Variants in CDH4 observed in about 807,000 individuals in gnomAD.
The protein encoded by CDH4 is cadherin 4.
CDH4 carries 33 observed loss-of-function variants against 86.0 expected under a neutral mutation model. That is an observed-to-expected ratio of 0.38 (90% CI 0.29 to 0.51). CDH4 has a LOEUF of 0.51. Among genes scored for constraint, CDH4 ranks in the 20% least tolerant of loss-of-function variants. CDH4 has a pLI of 0.86. For missense variants in CDH4, 1,114 were observed against 1,307.4 expected, an observed-to-expected ratio of 0.85 and a Z score of 2.28; for synonymous variants, 555 against 549.4, an observed-to-expected ratio of 1.01 and a Z score of -0.14.
chr20:61,709,492 T>C lies in CDH4; in HGVS notation c.170-34071T>C, dbSNP rs529484386. Among the ~76,000 whole-genome samples, 30 of 152,208 alleles carry C rather than the reference T, an allele frequency of 2.0e-4. No individual in the cohort carries two copies. The highest frequency in any genetic ancestry group is 6.7e-4 in the African/African-American group (28 of 41,528). On this transcript the variant is annotated intron_variant, in intron 2 of 15. Coordinates refer to ENST00000614565, the MANE Select transcript of CDH4 (RefSeq NM_001794.5). The surrounding 1 kb of genome is among the most constrained non-coding windows in gnomAD (Gnocchi z 4.8). The stretch of plus-strand genomic sequence containing the variant: ...GGTTTCACCATGTTGGCCAGGCTGG[T>C]CTCGAACCCCTGGCCTCAAGTCATC...
intron 2 of CDH4, among the ~76,000 whole-genome samples, chr20:61,727,575 G>A (rs1027108226): frequency 7.2e-5 from 11 of 152,322 alleles, no homozygotes; most frequent in African/African-American, 2.6e-4. Flanking sequence ...TCACGGTTCT[G>A]CAGGCTACAC....
intron 4 of CDH4, among the ~76,000 whole-genome samples, chr20:61,816,847 C>A (rs941887819): frequency 6.6e-6 from 1 of 152,194 alleles, no homozygotes; most frequent in Non-Finnish European, 1.5e-5. Flanking sequence ...TCGCCCGCAT[C>A]CCCATCCCCC....
chr20:61,919,767 C>T (rs908785180), intron 9 of CDH4, among the ~76,000 whole-genome samples: 2 of 151,332 alleles, frequency 1.3e-5, no homozygotes, highest in Admixed American at 6.6e-5. Context: ...TGCGTGGAAG[C>T]GTGGTGTCGC....
intron 2 of CDH4, among the ~76,000 whole-genome samples, chr20:61,731,922 C>T (rs2088194711): frequency 6.6e-6 from 1 of 152,118 alleles, no homozygotes; most frequent in Non-Finnish European, 1.5e-5. Flanking sequence ...CCCAGGTTGC[C>T]CCACCTGCAC....
chr20:61,831,916 G>A (rs1487535307), intron 4 of CDH4, among the ~76,000 whole-genome samples: 5 of 152,370 alleles, frequency 3.3e-5, no homozygotes, highest in Middle Eastern at 3.4e-3. Flanking sequence ...ACAGGCACCC[G>A]ACAGGTAGGA....
At chr20:61,574,954 C>T (rs1036997808) in intron 2 of CDH4, among the ~76,000 whole-genome samples, 2 of 152,210 alleles carry the variant, frequency 1.3e-5, no homozygotes, top group African/African-American at 4.8e-5. Flanking sequence ...GCAGTTTGCA[C>T]ACCTGATGAT....
rs1358180347 is a variant in CDH4 at position 61,393,260 on chromosome 20, C to T, written c.169+138323C>T. On this transcript the variant is annotated intron_variant, in intron 2 of 15. Coordinates refer to ENST00000614565, the MANE Select transcript of CDH4 (RefSeq NM_001794.5). The surrounding 1 kb of genome is among the most constrained non-coding windows in gnomAD (Gnocchi z 4.3). ...ACCCAGTGTTCCCTCCAACAAGAGG[C>T]CATCTCACGGGCGAGCCCACACACC... Among the ~76,000 whole-genome samples, 1 of 152,124 alleles carries T rather than the reference C, an allele frequency of 6.6e-6. No homozygotes were observed. The highest frequency in any genetic ancestry group is 1.5e-5 in the Non-Finnish European group (1 of 68,022).
At chr20:61,821,773 A>G (rs1981056882) in intron 4 of CDH4, among the ~76,000 whole-genome samples, 1 of 152,242 alleles carries the variant, frequency 6.6e-6, no homozygotes, top group Admixed American at 6.5e-5. Flanking sequence ...ATTGTAATCC[A>G]GCTCAATTTT....
intron 2 of CDH4, among the ~76,000 whole-genome samples, chr20:61,525,940 C>T (rs889462208): frequency 6.6e-6 from 1 of 152,144 alleles, no homozygotes; most frequent in Non-Finnish European, 1.5e-5. Flanking sequence ...GACAGCTCAG[C>T]GTTGGTGGTC....
intron 2 of CDH4, among the ~76,000 whole-genome samples, chr20:61,289,228 T>C (rs1036838559): frequency 1.3e-5 from 2 of 152,186 alleles, no homozygotes; most frequent in Non-Finnish European, 2.9e-5. Context: ...CTGAGCGGCG[T>C]GCTCCCAGCT....
At chr20:61,759,547 C>T (rs569854447) in intron 3 of CDH4, among the ~76,000 whole-genome samples, 9 of 152,314 alleles carry the variant, frequency 5.9e-5, no homozygotes, top group South Asian at 2.1e-4. Flanking sequence ...CTGATGGCAC[C>T]GACCATCTTT....
At chr20:61,704,115 G>A (rs1474034223) in intron 2 of CDH4, among the ~76,000 whole-genome samples, 3 of 151,988 alleles carry the variant, frequency 2.0e-5, no homozygotes, top group African/African-American at 4.8e-5. Flanking sequence ...TGGCTGAAAC[G>A]CATTTCCATG....
chr20:61,848,969 G>T (rs1337431827), intron 5 of CDH4, among the ~76,000 whole-genome samples: 2 of 152,148 alleles, frequency 1.3e-5, no homozygotes, highest in Admixed American at 6.5e-5. Flanking sequence ...AGCTCGTGGA[G>T]ATCATTAGTT....
intron 2 of CDH4, among the ~76,000 whole-genome samples, chr20:61,687,928 G>A (rs1044768383): frequency 6.6e-6 from 1 of 152,174 alleles, no homozygotes; most frequent in Admixed American, 6.5e-5. Context: ...TTCTCAGCAG[G>A]AAATGAAGTC....
chr20:61,688,697 C>T (rs2087617561), intron 2 of CDH4, among the ~76,000 whole-genome samples: 1 of 152,264 alleles, frequency 6.6e-6, no homozygotes, highest in Admixed American at 6.5e-5. Flanking sequence ...GCTCAGAGAG[C>T]TTCCGCCAGT....
intron 2 of CDH4, among the ~76,000 whole-genome samples, chr20:61,399,511 C>T (rs1434281707): frequency 1.3e-5 from 2 of 152,166 alleles, no homozygotes; most frequent in African/African-American, 4.8e-5. Context: ...TCCCTGAGCC[C>T]CTGGCTCATC....
At chr20:61,842,245 T>G (rs1240384001) in intron 4 of CDH4, among the ~76,000 whole-genome samples, 1 of 152,196 alleles carries the variant, frequency 6.6e-6, no homozygotes, top group Non-Finnish European at 1.5e-5. Flanking sequence ...GAAGGAGGCT[T>G]GGAAGTCACT....
At chr20:61,333,745 G>T (rs1259845349) in intron 2 of CDH4, among the ~76,000 whole-genome samples, 1 of 152,244 alleles carries the variant, frequency 6.6e-6, no homozygotes, top group Non-Finnish European at 1.5e-5. Flanking sequence ...ATCGTGATGT[G>T]GTTTACTGCC....
chr20:61,431,974 C>T (rs754461165), intron 2 of CDH4, among the ~76,000 whole-genome samples: 11 of 152,156 alleles, frequency 7.2e-5, no homozygotes, highest in Non-Finnish European at 1.3e-4. Context: ...CGTCATTGTG[C>T]GTGTGTGCCC....
Sources: gnomAD v4.1 joint callset for allele counts (sites outside exome capture counted in the v4.1 genomes callset) on GRCh38, gnomAD v4.1.1 for gene constraint, Gnocchi (gnomAD v3.1) non-coding constraint, MANE v1.5 for transcripts, NCBI Gene and HGNC (gene_info 2026-07-23, HGNC 2026-07-21) for gene names.